SAMMSON: variants seen among roughly 807,000 people sequenced by gnomAD.
The protein encoded by SAMMSON is survival associated mitochondrial melanoma specific oncogenic non-coding RNA, also known as long intergenic non-protein coding RNA 1212.
chr3:70,323,643 T>G (rs917131544), intron 7 of SAMMSON, among the ~76,000 whole-genome samples: 4 of 152,200 alleles, frequency 2.6e-5, no homozygotes, highest in African/African-American at 9.6e-5. Flanking sequence ...AAATATATTT[T>G]TGTGGGAGAT....
At chr3:70,291,741 A>G (rs1300222200) in intron 7 of SAMMSON, 1 of 152,242 alleles carries the variant, frequency 6.6e-6, no homozygotes, top group Non-Finnish European at 1.5e-5. Flanking sequence ...AGAAAATGAC[A>G]GTTCAAGATG....
At chr3:70,398,996 A>G (rs562332942) in intron 2 of SAMMSON, among the ~76,000 whole-genome samples, 3 of 152,330 alleles carry the variant, frequency 2.0e-5, no homozygotes, top group South Asian at 2.1e-4. Flanking sequence ...TGAAAATGTA[A>G]CTCTTAGATT....
At chr3:70,021,763 A>G (rs868857790) in intron 3 of SAMMSON, among the ~76,000 whole-genome samples, 1 of 152,146 alleles carries the variant, frequency 6.6e-6, no homozygotes, top group Non-Finnish European at 1.5e-5. Context: ...GCCTGCTCCA[A>G]TTAATAAGGT....
At chr3:70,352,568 G>A (rs1265770719) in intron 7 of SAMMSON, among the ~76,000 whole-genome samples, 1 of 152,036 alleles carries the variant, frequency 6.6e-6, no homozygotes, top group Non-Finnish European at 1.5e-5. Context: ...ATGTTAGGAA[G>A]AAATGAAAAG....
At chr3:70,154,033 T>C (rs758368019) in intron 4 of SAMMSON, among the ~76,000 whole-genome samples, 1 of 152,020 alleles carries the variant, frequency 6.6e-6, no homozygotes, top group African/African-American at 2.4e-5. Flanking sequence ...TTTTTCAGGA[T>C]GTTTGTTCTC....
At chr3:70,133,030 A>G (rs1165189359) in intron 4 of SAMMSON, among the ~76,000 whole-genome samples, 3 of 152,128 alleles carry the variant, frequency 2.0e-5, no homozygotes, top group East Asian at 1.9e-4. Flanking sequence ...TTATAATACT[A>G]TATTATAAGA....
chr3:70,402,283 T>A (rs1399901171), intron 2 of SAMMSON, among the ~76,000 whole-genome samples: 4 of 152,212 alleles, frequency 2.6e-5, no homozygotes, highest in Non-Finnish European at 4.4e-5. Flanking sequence ...AAAATACACA[T>A]CCTTCCATAA....
intron 3 of SAMMSON, among the ~76,000 whole-genome samples, chr3:70,016,112 A>C (rs2066983945): frequency 1.3e-5 from 2 of 152,188 alleles, no homozygotes; most frequent in Admixed American, 6.5e-5. Flanking sequence ...TGGTATTTCT[A>C]GTTCTAGATC....
At chr3:70,222,618 A>T (rs1701471250) in intron 4 of SAMMSON, among the ~76,000 whole-genome samples, 1 of 152,142 alleles carries the variant, frequency 6.6e-6, no homozygotes, top group Non-Finnish European at 1.5e-5. Flanking sequence ...AAAGAATAAT[A>T]CTTAAGATGG....
chr3:70,353,750 A>G (rs805488), intron 7 of SAMMSON, among the ~76,000 whole-genome samples: 109,710 of 152,030 alleles, frequency 0.72, 39,951 homozygotes, highest in Middle Eastern at 0.78. Flanking sequence ...ACTTATGTTC[A>G]CACAAAAACC....
chr3:70,110,466 C>T (rs1433677042), intron 4 of SAMMSON, among the ~76,000 whole-genome samples: 2 of 152,100 alleles, frequency 1.3e-5, no homozygotes, highest in Non-Finnish European at 2.9e-5. Flanking sequence ...GTGTGGAAAT[C>T]AGTGTAGAAA....
At chr3:70,116,288 C>CTTCCTTT (rs1553640565) in intron 4 of SAMMSON, among the ~76,000 whole-genome samples, 2 of 70,992 alleles carry the variant, frequency 2.8e-5, no homozygotes, top group African/African-American at 1.3e-4. Context: ...AAGGGCGATG[C>CTTCCTTT]TTTCTTTTTT....
intron 4 of SAMMSON, among the ~76,000 whole-genome samples, chr3:70,161,912 A>T (rs919064971): frequency 1.3e-5 from 2 of 151,638 alleles, no homozygotes; most frequent in Non-Finnish European, 3.0e-5. Context: ...CATCTAAGTT[A>T]TCCAATTTGT....
chr3:70,115,726 C>T (rs2067408073), intron 4 of SAMMSON, among the ~76,000 whole-genome samples: 1 of 152,096 alleles, frequency 6.6e-6, no homozygotes, highest in East Asian at 1.9e-4. Flanking sequence ...AATTTATTCC[C>T]TTATTCTTGT....
intron 3 of SAMMSON, chr3:70,014,939 T>A (rs9834141): frequency 6.6e-6 from 1 of 151,934 alleles, no homozygotes; most frequent in African/African-American, 2.4e-5. Flanking sequence ...TACGAACTTA[T>A]GTTACCAATC....
chr3:70,226,983 C>T (rs1219575756), intron 4 of SAMMSON, among the ~76,000 whole-genome samples: 1 of 152,094 alleles, frequency 6.6e-6, no homozygotes, highest in Admixed American at 6.5e-5. Flanking sequence ...GGAGCAGTGG[C>T]TCTTGATTGA....
At chr3:70,079,413 A>G (rs2067260026) in intron 4 of SAMMSON, among the ~76,000 whole-genome samples, 1 of 152,166 alleles carries the variant, frequency 6.6e-6, no homozygotes, top group South Asian at 2.1e-4. Flanking sequence ...CTCTATAAGT[A>G]TGGATGGACC....
intron 6 of SAMMSON, among the ~76,000 whole-genome samples, chr3:70,261,748 T>G (rs552307883): frequency 2.0e-5 from 3 of 152,282 alleles, no homozygotes; most frequent in South Asian, 4.1e-4. Flanking sequence ...CCTGGGCATG[T>G]GCAGAGGAGG....
intron 6 of SAMMSON, among the ~76,000 whole-genome samples, chr3:70,260,259 T>A (rs1701852917): frequency 6.6e-6 from 1 of 152,158 alleles, no homozygotes; most frequent in African/African-American, 2.4e-5. Context: ...TCTGCCTTTG[T>A]CATCGTACGG....
Sources: allele counts gnomAD v4.1 joint callset (sites outside exome capture counted in the v4.1 genomes callset), GRCh38; gene constraint gnomAD v4.1.1; transcripts MANE v1.5; gene names NCBI Gene and HGNC (gene_info 2026-07-23, HGNC 2026-07-21).